Variants in OLR1 observed in about 807,000 individuals in gnomAD.
OLR1 encodes the protein oxidized low density lipoprotein receptor 1.
Under a neutral mutation model 31.7 loss-of-function variants are expected in OLR1, and 23 were observed. The ratio of observed to expected loss-of-function variants is 0.72; its 90% CI spans 0.52 to 1.03. OLR1 has a LOEUF of 1.03. Ranked by LOEUF, OLR1 falls within the 50% of genes least tolerant of loss-of-function variation. OLR1 has a pLI of 0.00. For missense variants in OLR1, 286 were observed against 315.7 expected (o/e 0.91, Z 0.71); for synonymous variants, 117 against 115.8 (o/e 1.01, Z -0.07).
intron 3 of OLR1, among the ~76,000 whole-genome samples, chr12:10,161,823 T>A (rs1948622271): frequency 1.3e-5 from 2 of 152,010 alleles, no homozygotes; most frequent in Admixed American, 1.3e-4. Flanking sequence ...TGATTAGTAT[T>A]GAAATAATAT....
chr12:10,160,933 G>A lies in OLR1; in HGVS notation c.425-8C>T, dbSNP rs1948615098. Reference sequence around the variant, plus strand: ...AGTCTTGCGGACAAGGAGCTGGGAAGGATAGTATATCTCATCAGTCAGTTA... The same window carrying A: ...AGTCTTGCGGACAAGGAGCTGGGAAAGATAGTATATCTCATCAGTCAGTTA... On this transcript the variant is annotated splice_region_variant and splice_polypyrimidine_tract_variant and intron_variant, in intron 3 of 5. Coordinates refer to ENST00000309539, the MANE Select transcript of OLR1 (RefSeq NM_002543.4). The A allele has an allele frequency of 1.2e-6, 2 of 1,612,870 alleles. No individual in the cohort carries two copies. The highest frequency in any genetic ancestry group is 1.3e-5 in the African/African-American group (1 of 74,920).
upstream of OLR1, among the ~76,000 whole-genome samples, chr12:10,173,143 A>G (rs1034148736): frequency 5.3e-5 from 8 of 152,220 alleles, no homozygotes; most frequent in Non-Finnish European, 7.3e-5. Context: ...CGCTTACATG[A>G]GAGACCCATA....
chr12:10,169,764 G>A (rs1948694497), intron 1 of OLR1, among the ~76,000 whole-genome samples: 2 of 152,114 alleles, frequency 1.3e-5, no homozygotes, highest in South Asian at 4.1e-4. Flanking sequence ...TCAAAGAAAA[G>A]TAGGGATGAA....
chr12:10,161,944 T>TATATATATATAA (rs1474284777), intron 3 of OLR1, among the ~76,000 whole-genome samples: 3 of 53,160 alleles, frequency 5.6e-5, no homozygotes, highest in Non-Finnish European at 8.6e-5. Context: ...TATATATATA[T>TATATATATATAA]AAAAAACACA....
upstream of OLR1, among the ~76,000 whole-genome samples, chr12:10,173,763 TAAAA>T (rs5796383): frequency 7.7e-6 from 1 of 130,328 alleles, no homozygotes; most frequent in Non-Finnish European, 1.6e-5. Context: ...AGACTCCCTT[TAAAA>T]AAAAAAAAAA....
intron 3 of OLR1, among the ~76,000 whole-genome samples, chr12:10,163,817 G>T (rs957037128): frequency 3.3e-5 from 5 of 152,012 alleles, no homozygotes; most frequent in Non-Finnish European, 4.4e-5. Flanking sequence ...TGTAATCCCA[G>T]CTACTCAGGA....
rs1948598656 is a variant in OLR1 at position 10,159,185 on chromosome 12, A to C, written c.*695T>G. On this transcript the variant is annotated 3_prime_UTR_variant, in exon 6 of 6. Transcript: ENST00000309539. ...TCCTCTGGTAGAAAAAAAAATGAAG[A>C]AATAATAACTGATTCAGGAAGTGGT... 1 of 152,192 alleles carries C rather than the reference A, an allele frequency of 6.6e-6. No individual in the cohort carries two copies. The highest frequency in any genetic ancestry group is 6.5e-5 in the Admixed American group (1 of 15,274). 9.4% of individuals were successfully genotyped at this position (152,192 alleles called of 1,614,324 possible).
At chr12:10,170,316 A>G (rs1190433952) in intron 1 of OLR1, 1 of 152,182 alleles carries the variant, frequency 6.6e-6, no homozygotes, top group East Asian at 1.9e-4. Flanking sequence ...TTCAATACTT[A>G]CTGGCTTCTA....
intron 1 of OLR1, 77 bp downstream of exon 1, chr12:10,171,925 C>T: frequency 9.2e-7 from 1 of 1,087,068 alleles, no homozygotes; most frequent in South Asian, 1.3e-5. Flanking sequence ...GCTTTCTAAT[C>T]CCATTCTTCG....
chr12:10,160,608 G>A (rs1007710384), intron 4 of OLR1, 146 bp from the exon 5 acceptor site: 3 of 975,712 alleles, frequency 3.1e-6, no homozygotes, highest in Non-Finnish European at 4.7e-6. Context: ...ACTTACTGAA[G>A]GCTAGAGATA....
chr12:10,160,149 A>T, intron 5 of OLR1, 128 bp from the exon 6 acceptor site: 3 of 1,096,132 alleles, frequency 2.7e-6, no homozygotes, highest in Non-Finnish European at 3.9e-6. Flanking sequence ...TGGGAAGGAA[A>T]ACTCAAGAAA....
intron 3 of OLR1, among the ~76,000 whole-genome samples, chr12:10,164,772 A>G (rs1282096665): frequency 6.6e-6 from 1 of 152,232 alleles, no homozygotes; most frequent in Admixed American, 6.5e-5. Context: ...TAGCTTCTGT[A>G]ACAATATCAG....
intron 2 of OLR1, chr12:10,167,234 T>G: frequency 3.4e-6 from 1 of 294,080 alleles, no homozygotes; most frequent in Non-Finnish European, 6.6e-6. Context: ...TCCCAGCACT[T>G]TGGGAGGCCG....
In OLR1 at chr12:10,160,653, A is replaced by G. The variant is rs1948612694; in HGVS notation, c.564+133T>C. Reference sequence around the variant, plus strand: ...CTGTCCGTCCAAGGTCATACACAAAATTGGTGATCAGACTAAGCTAAAAAA... The same window carrying G: ...CTGTCCGTCCAAGGTCATACACAAAGTTGGTGATCAGACTAAGCTAAAAAA... On this transcript the variant is annotated intron_variant, in intron 4 of 5. Transcript: ENST00000309539. The G allele has an allele frequency of 5.0e-6, 6 of 1,203,050 alleles. No homozygotes were observed. In the South Asian group the frequency reaches 7.0e-5, roughly 14 times the overall value. 74.5% of individuals were successfully genotyped at this position (1,203,050 alleles called of 1,614,324 possible). A position where few individuals can be genotyped will look rare whatever the true frequency, so the allele number is the denominator to read the frequency against.
At chr12:10,161,977 G>A (rs978916859) in intron 3 of OLR1, among the ~76,000 whole-genome samples, 7 of 150,244 alleles carry the variant, frequency 4.7e-5, no homozygotes, top group Non-Finnish European at 4.4e-5. Context: ...TTTGTACAGA[G>A]TTGTTCTAGG....
At chr12:10,165,852 G>T (rs547752126) in intron 3 of OLR1, among the ~76,000 whole-genome samples, 5 of 152,106 alleles carry the variant, frequency 3.3e-5, no homozygotes, top group Non-Finnish European at 5.9e-5. Flanking sequence ...TCCACCAAAA[G>T]GTATGCTTAA....
rs150979645 is a variant in OLR1, at chr12:10,160,406, A to T, written c.621T>A (p.Ser207=). 31 of 1,613,856 alleles carry T rather than the reference A, an allele frequency of 1.9e-5. 1 individual carries two copies. The highest frequency in any genetic ancestry group is 1.7e-6 in the Non-Finnish European group (2 of 1,179,954). ...GCCATGGGTAGCTGGGGTTCCTCCG[A>T]GACAGCCCCATCCAGAATGGAAAAC... ...YSSFPFWMGL[S]RRNPSYPWLW... is the part of the protein sequence containing the mutation. Residue 207 remains serine, a synonymous_variant, in exon 5 of 6, where the codon TCT becomes TCA. Coordinates refer to ENST00000309539, the MANE Select transcript of OLR1 (RefSeq NM_002543.4).
rs771828476 is a variant in OLR1, at chr12:10,159,923, G to A, written c.779C>T (p.Ala260Val). 23 of 1,613,790 alleles carry A rather than the reference G, an allele frequency of 1.4e-5. No homozygotes were observed. Among genetic ancestry groups the A allele is most frequent in the Non-Finnish European group, 1.9e-5 (22 of 1,179,956 alleles). ...TGCCTTCTTCTGACATATACTGAAG[G>A]CAGCTAAAATGCAGTTTTCCGCATA... ...AVYAENCILAAFSICQKKANL... is the reference protein window; with the variant it reads ...AVYAENCILAVFSICQKKANL... Residue 260 changes from alanine (A) to valine (V), a missense_variant, in exon 6 of 6, where the codon GCC (alanine) becomes GTC (valine). Transcript: ENST00000309539.
At chr12:10,169,196 A>C (rs199818855) in intron 1 of OLR1, 21 bp from the exon 2 acceptor site, 81 of 1,565,508 alleles carry the variant, frequency 5.2e-5, no homozygotes, top group Non-Finnish European at 6.6e-5. Context: ...AGAGGATAGA[A>C]TCAGAAAGAC....
Sources: gnomAD v4.1 joint callset for allele counts (sites outside exome capture counted in the v4.1 genomes callset) on GRCh38, gnomAD v4.1.1 for gene constraint, MANE v1.5 for transcripts, NCBI Gene and HGNC (gene_info 2026-07-23, HGNC 2026-07-21) for gene names.